Variants in HS6ST3 observed in about 807,000 individuals in gnomAD.
HS6ST3 encodes the protein heparan-sulfate 6-O-sulfotransferase 3.
A neutral mutation model predicts 36.7 loss-of-function variants in HS6ST3; 12 were observed. The observed-to-expected ratio is 0.33, with a 90% CI of 0.21 to 0.53. The LOEUF is 0.53. HS6ST3 is among the 20% of genes least tolerant of loss of function. The pLI is 0.95. For missense variants in HS6ST3, 584 were observed against 640.9 expected (o/e 0.91, Z 0.96); for synonymous variants, 240 against 257.5 (o/e 0.93, Z 0.65).
intron 1 of HS6ST3, among the ~76,000 whole-genome samples, chr13:96,220,030 G>A (rs1285515892): frequency 1.3e-5 from 2 of 152,086 alleles, no homozygotes; most frequent in African/African-American, 4.8e-5. Context: ...TCATTCGCTC[G>A]TTCATTCATT....
At chr13:96,170,208 C>A (rs1327624) in intron 1 of HS6ST3, among the ~76,000 whole-genome samples, 2 of 152,366 alleles carry the variant, frequency 1.3e-5, no homozygotes, top group East Asian at 3.9e-4. Flanking sequence ...ACCGGGTGCT[C>A]TATCTTTCCC....
At chr13:96,808,104 C>T (rs1254210921) in intron 1 of HS6ST3, among the ~76,000 whole-genome samples, 1 of 152,052 alleles carries the variant, frequency 6.6e-6, no homozygotes, top group African/African-American at 2.4e-5. Flanking sequence ...AAGTAAGAGT[C>T]CTAAGACAAA....
intron 1 of HS6ST3, among the ~76,000 whole-genome samples, chr13:96,422,354 A>ATGTGAGTTTTAT (rs1045447303): frequency 6.6e-6 from 1 of 152,228 alleles, no homozygotes; most frequent in Non-Finnish European, 1.5e-5. Context: ...TGATGTTGCA[A>ATGTGAGTTTTAT]TGTGAGTTTT....
At chr13:96,105,690 T>C (rs1368441912) in intron 1 of HS6ST3, among the ~76,000 whole-genome samples, 1 of 152,128 alleles carries the variant, frequency 6.6e-6, no homozygotes, top group African/African-American at 2.4e-5. Flanking sequence ...TTATAAAACA[T>C]TGAATGGTTA....
At chr13:96,257,491 A>G (rs1306142732) in intron 1 of HS6ST3, among the ~76,000 whole-genome samples, 1 of 152,114 alleles carries the variant, frequency 6.6e-6, no homozygotes, top group African/African-American at 2.4e-5. Flanking sequence ...TGGGTTTGAA[A>G]CCTTGCTTTA....
intron 1 of HS6ST3, among the ~76,000 whole-genome samples, chr13:96,779,366 G>T (rs1009618031): frequency 1.3e-4 from 20 of 151,744 alleles, no homozygotes; most frequent in Non-Finnish European, 1.5e-5. Flanking sequence ...TGTGGGAATG[G>T]AACCAGAATT....
Position 96,801,280 on chromosome 13 carries a change from A to G in HS6ST3, c.708-31210A>G, listed in dbSNP as rs148411411. On this transcript the variant is annotated intron_variant, in intron 1 of 1. Transcript: ENST00000376705. ...GAGTTCCTTTCAGATTCAAGGTTCC[A>G]AAAGTATCTTCCCTCAGATTTCATG... is the stretch of plus-strand genomic sequence containing the variant. Among the ~76,000 whole-genome samples the G allele has an allele frequency of 5.5e-3, 834 of 152,268 alleles. 6 individuals carry two copies. Among genetic ancestry groups the G allele is most frequent in the African/African-American group, 0.018 (754 of 41,556 alleles).
At chr13:96,761,983 C>A (rs1018507768) in intron 1 of HS6ST3, among the ~76,000 whole-genome samples, 1 of 151,928 alleles carries the variant, frequency 6.6e-6, no homozygotes, top group Admixed American at 6.6e-5. Context: ...ATGGTATATA[C>A]ACACATTGTT....
intron 1 of HS6ST3, among the ~76,000 whole-genome samples, chr13:96,156,420 C>T (rs149003645): frequency 1.2e-3 from 187 of 152,194 alleles, no homozygotes; most frequent in African/African-American, 4.3e-3. Flanking sequence ...GTGAAAGGTA[C>T]GCAGCTGTAT....
chr13:96,624,818 T>C (rs1027002534), intron 1 of HS6ST3, among the ~76,000 whole-genome samples: 22 of 152,218 alleles, frequency 1.4e-4, no homozygotes, highest in African/African-American at 4.3e-4. Flanking sequence ...AAATATACCA[T>C]TGAATGAATA....
chr13:96,758,279 C>G (rs1876882706), intron 1 of HS6ST3, among the ~76,000 whole-genome samples: 1 of 151,740 alleles, frequency 6.6e-6, no homozygotes, highest in Non-Finnish European at 1.5e-5. Flanking sequence ...TTTATTTAGT[C>G]TATCATTTAT....
At chr13:96,445,810 G>T (rs538889848) in intron 1 of HS6ST3, among the ~76,000 whole-genome samples, 1 of 152,240 alleles carries the variant, frequency 6.6e-6, no homozygotes, top group Non-Finnish European at 1.5e-5. Context: ...GGAGGTTGCA[G>T]TGAGCCAAGA....
chr13:96,516,351 G>A (rs149442593), intron 1 of HS6ST3, among the ~76,000 whole-genome samples: 133 of 152,006 alleles, frequency 8.7e-4, no homozygotes, highest in African/African-American at 2.7e-3. Flanking sequence ...CACCATTCCC[G>A]GCCAACATTT....
chr13:96,491,981 T>C (rs182056082), intron 1 of HS6ST3, among the ~76,000 whole-genome samples: 1 of 152,272 alleles, frequency 6.6e-6, no homozygotes. Flanking sequence ...CACTTAGTGG[T>C]TGTTTTCTGG....
intron 1 of HS6ST3, among the ~76,000 whole-genome samples, chr13:96,466,626 AG>A (rs2055815393): frequency 6.6e-6 from 1 of 152,204 alleles, no homozygotes; most frequent in South Asian, 2.1e-4. Context: ...TTTAAATCAA[AG>A]AAGAAAAGAA....
chr13:96,314,446 T>TG (rs2054958227), intron 1 of HS6ST3, among the ~76,000 whole-genome samples: 3 of 152,248 alleles, frequency 2.0e-5, no homozygotes, highest in African/African-American at 7.2e-5. Flanking sequence ...GTTACTCATC[T>TG]ATCCCATCAT....
At chr13:96,410,249 G>T (rs115387879) in intron 1 of HS6ST3, among the ~76,000 whole-genome samples, 1,925 of 152,074 alleles carry the variant, frequency 0.013, 52 homozygotes, top group African/African-American at 0.044. Flanking sequence ...TAAGATCCAT[G>T]ATATAATGTT....
rs778905293 is a variant in HS6ST3, at chr13:96,833,086, G to A, written c.1304G>A (p.Arg435Gln). ...LEHQRDRQKR[R>Q]EERRLQREHR... Reference sequence around the variant, plus strand: ...CACCAGAGGGACCGCCAGAAGCGGCGGGAGGAGCGGAGGCTGCAGCGAGAG... The same window carrying A: ...CACCAGAGGGACCGCCAGAAGCGGCAGGAGGAGCGGAGGCTGCAGCGAGAG... Residue 435 changes from arginine (R) to glutamine (Q), a missense_variant, in exon 2 of 2, where the codon CGG becomes CAG. Around this residue, in one of 3 missense-constraint regions of HS6ST3, gnomAD observed 360 missense variants for 411.3 expected, o/e 0.88. Coordinates refer to ENST00000376705, the MANE Select transcript of HS6ST3 (RefSeq NM_153456.4). 5.0e-5 allele frequency: 80 copies of A among 1,610,218 alleles called. 1 individual carries two copies. Among genetic ancestry groups the A allele is most frequent in the Middle Eastern group, 1.6e-4 (1 of 6,084 alleles).
chr13:96,521,596 A>C (rs968551133), intron 1 of HS6ST3, among the ~76,000 whole-genome samples: 8 of 152,198 alleles, frequency 5.3e-5, no homozygotes, highest in African/African-American at 1.9e-4. Context: ...GTATGTGTCC[A>C]GGAATTTATC....
Sources: gnomAD v4.1 joint callset for allele counts (sites outside exome capture counted in the v4.1 genomes callset) on GRCh38, gnomAD v4.1.1 for gene constraint, gnomAD v4.1.1 regional missense constraint, MANE v1.5 for transcripts, NCBI Gene and HGNC (gene_info 2026-07-23, HGNC 2026-07-21) for gene names.